Variants in RHOBTB2 observed in about 807,000 individuals in gnomAD.
RHOBTB2 encodes Rho related BTB domain containing 2.
RHOBTB2 carries 39 observed loss-of-function variants against 66.5 expected under a neutral mutation model. The observed-to-expected ratio is 0.59, with a 90% confidence interval of 0.45 to 0.77. The LOEUF (loss-of-function observed/expected upper bound fraction) is 0.77, where lower values mean the gene tolerates loss of function less well. Among genes scored for constraint, RHOBTB2 ranks in the 30% least tolerant of loss-of-function variants. The pLI is 0.00. For missense variants in RHOBTB2, 755 were observed against 999.1 expected, an observed-to-expected ratio of 0.76 and a Z score of 3.29; for synonymous variants, 390 against 395.0, an observed-to-expected ratio of 0.99 and a Z score of 0.15.
intron 1 of RHOBTB2, among the ~76,000 whole-genome samples, chr8:23,000,533 T>C (rs1810742169): frequency 6.6e-6 from 1 of 152,206 alleles, no homozygotes; most frequent in South Asian, 2.1e-4. Context: ...TCTATGTAAC[T>C]GAGTTCTGTG....
chr8:23,018,677 G>A lies in RHOBTB2; in HGVS notation c.*1208G>A, dbSNP rs1811377572. ...AGGGGTTTGGTCTCGGGGCTTAAAT[G>A]GCACCAGACTCTTGCTTTTGCCCAT... is the stretch of plus-strand genomic sequence containing the variant. On this transcript the variant is annotated 3_prime_UTR_variant, in exon 10 of 10. Transcript: ENST00000251822. 1 of 152,364 alleles carries A rather than the reference G, an allele frequency of 6.6e-6. No individual in the cohort carries two copies. The highest frequency in any genetic ancestry group is 1.5e-5 in the Non-Finnish European group (1 of 68,170). The allele number at this position is 152,364 out of a possible 1,614,324, so 9.4% of individuals were successfully genotyped here.
chr8:23,009,471 T>C (rs1389941866), intron 6 of RHOBTB2, among the ~76,000 whole-genome samples: 1 of 152,306 alleles, frequency 6.6e-6, no homozygotes, highest in East Asian at 1.9e-4. Flanking sequence ...TCGAACCTTG[T>C]AGTTAACGAG....
upstream of RHOBTB2, among the ~76,000 whole-genome samples, chr8:22,985,199 G>A (rs745873170): frequency 6.6e-6 from 1 of 152,198 alleles, no homozygotes; most frequent in African/African-American, 2.4e-5. Context: ...CAGGGGGCCA[G>A]TTGCAAAATG....
Position 23,004,881 on chromosome 8 carries a change from C to G in RHOBTB2, c.192+255C>G. ...GGGACTCCATCTTTGTCTGGGGTAC[C>G]GCATTGTATGTAGTCACAGCCTTAA... On this transcript the variant is annotated intron_variant, in intron 2 of 9. Transcript: ENST00000251822. The surrounding 1 kb of genome is among the most constrained non-coding windows in gnomAD (Gnocchi z 6.4). 2 of 556,506 alleles carry G rather than the reference C, an allele frequency of 3.6e-6. No homozygotes were observed. The highest frequency in any genetic ancestry group is 3.2e-6 in the Non-Finnish European group (1 of 309,146). The allele number at this position is 556,506 out of a possible 1,614,324, so 34.5% of individuals were successfully genotyped here.
At chr8:22,992,548 T>C (rs2128797354) in intron 2 of RHOBTB2, among the ~76,000 whole-genome samples, 1 of 152,306 alleles carries the variant, frequency 6.6e-6, no homozygotes, top group Admixed American at 6.5e-5. Flanking sequence ...TCTTGTACCC[T>C]CTCTGCCTAG....
intron 7 of RHOBTB2, among the ~76,000 whole-genome samples, chr8:23,012,174 T>A (rs1288828205): frequency 1.3e-5 from 2 of 152,202 alleles, no homozygotes; most frequent in East Asian, 3.8e-4. Context: ...ATGGAATAAT[T>A]CCACTTTTAA....
chr8:22,976,748 C>T, the RHOBTB2 span, among the ~76,000 whole-genome samples: 1 of 152,054 alleles, frequency 6.6e-6, no homozygotes, highest in African/African-American at 2.4e-5. Context: ...GTCTCAGCCT[C>T]CCAAGTAGCC....
chr8:23,004,729 TA>T lies in RHOBTB2; in HGVS notation c.192+104del. The stretch of plus-strand genomic sequence containing the variant: ...GTCTCCAGAGCTCACGGGAGCCCTC[TA>T]GGGGTGGGACAGGATGGGTTGGGGG... On this transcript the variant is annotated intron_variant, in intron 2 of 9. Transcript: ENST00000251822. This position sits in a 1 kb window ranked among gnomAD's most constrained non-coding sequence, Gnocchi z 6.4. 1 of 1,165,212 alleles carries T rather than the reference TA, an allele frequency of 8.6e-7. No homozygotes were observed. The highest frequency in any genetic ancestry group is 1.2e-6 in the Non-Finnish European group (1 of 817,202). The allele number at this position is 1,165,212 out of a possible 1,614,324, so 72.2% of individuals were successfully genotyped here.
rs1353483215 is a variant in RHOBTB2 at position 23,008,067 on chromosome 8, G to A, written c.1576G>A (p.Ala526Thr). The A allele has an allele frequency of 6.2e-6, 10 of 1,613,218 alleles. No individual in the cohort carries two copies. The East Asian group carries it at 2.2e-4, about 36-fold the overall frequency. Residue 526 changes from alanine to threonine, a missense_variant, in exon 6 of 10, where the codon GCT (alanine) becomes ACT (threonine). Coordinates refer to ENST00000251822, the MANE Select transcript of RHOBTB2 (RefSeq NM_015178.3). ...PLLISSCDWM[A>T]AMFGGPFVES... The stretch of plus-strand genomic sequence containing the variant: ...GTTGATTTCCAGCTGTGACTGGATG[G>A]CTGCCATGTTTGGGGGGCCATTTGT...
the RHOBTB2 span, among the ~76,000 whole-genome samples, chr8:22,972,337 C>T: frequency 3.3e-5 from 5 of 152,158 alleles, no homozygotes; most frequent in Admixed American, 6.5e-5. Context: ...AGTCATCACA[C>T]GTAATTTTAA....
the RHOBTB2 span, among the ~76,000 whole-genome samples, chr8:22,975,252 G>T: frequency 2.6e-5 from 4 of 152,158 alleles, no homozygotes; most frequent in Non-Finnish European, 2.9e-5. Context: ...GCCCCACCCT[G>T]TTTCTACCTT....
the RHOBTB2 span, among the ~76,000 whole-genome samples, chr8:22,972,454 T>C: frequency 3.9e-5 from 6 of 152,222 alleles, no homozygotes; most frequent in Admixed American, 2.6e-4. Context: ...TACTGCTTCA[T>C]GTCTGTTGTC....
rs757712877 is a variant in RHOBTB2 at position 23,006,358 on chromosome 8, G to A, written c.482+213G>A. ...GCAGTGCTATGTAAAGCATCATGAA[G>A]AAAAATAGAGAGGAAGAGGTGATAT... On this transcript the variant is annotated intron_variant, in intron 4 of 9. Transcript: ENST00000251822. This position sits in a 1 kb window ranked among gnomAD's most constrained non-coding sequence, Gnocchi z 6.1. 1.3e-5 allele frequency: 7 copies of A among 555,876 alleles called. No individual in the cohort carries two copies. The highest frequency in any genetic ancestry group is 5.3e-5 in the South Asian group (2 of 37,570). 34.4% of individuals were successfully genotyped at this position (555,876 alleles called of 1,614,324 possible). A position where few individuals can be genotyped will look rare whatever the true frequency, so the allele number is the denominator to read the frequency against.
chr8:23,003,208 C>T (rs1810838981), intron 1 of RHOBTB2, among the ~76,000 whole-genome samples: 1 of 152,242 alleles, frequency 6.6e-6, no homozygotes, highest in South Asian at 2.1e-4. Flanking sequence ...GCTGGCCCTG[C>T]CCCTGCTCCC....
chr8:22,997,794 C>T (rs562447889), upstream of RHOBTB2, among the ~76,000 whole-genome samples: 6 of 152,194 alleles, frequency 3.9e-5, no homozygotes, highest in African/African-American at 1.2e-4. Context: ...ACAGGGTGTC[C>T]GTGGGAGAGA....
rs1382794393 is a variant in RHOBTB2, at chr8:23,007,587, A to G, written c.1342A>G (p.Ile448Val). The G allele has an allele frequency of 1.9e-6, 3 of 1,614,184 alleles. No homozygotes were observed. The highest frequency in any genetic ancestry group is 2.2e-5 in the South Asian group (2 of 91,078). Residue 448 changes from isoleucine to valine, a missense_variant, in exon 5 of 10, where the codon ATT becomes GTT. This residue lies in a region of RHOBTB2 where 353 missense variants were observed against 458.2 expected (regional missense o/e 0.77). Coordinates refer to ENST00000251822, the MANE Select transcript of RHOBTB2 (RefSeq NM_015178.3). ...TGAGAACGAGCGTGACCTCATGCACATTGCCCACATTGCTGAGCTGCTCGA... is the reference window on the plus strand; with the variant it reads ...TGAGAACGAGCGTGACCTCATGCACGTTGCCCACATTGCTGAGCTGCTCGA... Reference protein sequence around the residue: ...LDENERDLMHIAHIAELLEVF... With the variant: ...LDENERDLMHVAHIAELLEVF...
At chr8:22,969,286 C>T in the RHOBTB2 span, among the ~76,000 whole-genome samples, 2 of 152,196 alleles carry the variant, frequency 1.3e-5, no homozygotes, top group African/African-American at 4.8e-5. Flanking sequence ...TACCTCTCAC[C>T]GAGTCCCTTC....
At chr8:22,959,799 G>A in the RHOBTB2 span, among the ~76,000 whole-genome samples, 1 of 152,010 alleles carries the variant, frequency 6.6e-6, no homozygotes, top group Non-Finnish European at 1.5e-5. Flanking sequence ...AAGGTTTATT[G>A]GATGCCAGAT....
the RHOBTB2 span, among the ~76,000 whole-genome samples, chr8:22,975,232 C>T: frequency 6.6e-6 from 1 of 152,156 alleles, no homozygotes; most frequent in Non-Finnish European, 1.5e-5. Context: ...TTGGTGGGGC[C>T]CCTTCACCTG....
Sources: gnomAD v4.1 joint callset for allele counts (sites outside exome capture counted in the v4.1 genomes callset) on GRCh38, gnomAD v4.1.1 for gene constraint, gnomAD v4.1.1 regional missense constraint, Gnocchi (gnomAD v3.1) non-coding constraint, MANE v1.5 for transcripts, NCBI Gene and HGNC (gene_info 2026-07-23, HGNC 2026-07-21) for gene names.